PDZD2: variants seen among roughly 807,000 people sequenced by gnomAD.
The protein encoded by PDZD2 is PDZ domain-containing protein 2.
PDZD2 carries 90 observed loss-of-function variants against 220.7 expected under a neutral mutation model. The observed-to-expected ratio is 0.41, with a 90% CI of 0.34 to 0.49. The LOEUF is 0.49. PDZD2 is among the 20% of genes least tolerant of loss of function. PDZD2 has a pLI of 0.28. For missense variants in PDZD2, 3,174 were observed against 3,608.5 expected (o/e 0.88, Z 3.08); for synonymous variants, 1,375 against 1,450.5 (o/e 0.95, Z 1.18).
At chr5:31,903,784 C>T (rs1247235462) in intron 2 of PDZD2, among the ~76,000 whole-genome samples, 2 of 151,912 alleles carry the variant, frequency 1.3e-5, no homozygotes, top group Admixed American at 6.6e-5. Context: ...AGTGTAATGG[C>T]GTGATCTCTG....
intron 2 of PDZD2, among the ~76,000 whole-genome samples, chr5:31,819,060 A>G (rs1314270884): frequency 6.6e-6 from 1 of 152,214 alleles, no homozygotes; most frequent in African/African-American, 2.4e-5. Context: ...TGTCACTACA[A>G]CCAGCTATAC....
chr5:31,991,734 A>C (rs1461872280), intron 3 of PDZD2, among the ~76,000 whole-genome samples: 1 of 152,122 alleles, frequency 6.6e-6, no homozygotes, highest in East Asian at 1.9e-4. Context: ...TACCTTTAAA[A>C]CTGACAATTG....
intron 1 of PDZD2, among the ~76,000 whole-genome samples, chr5:31,766,161 C>T (rs1417210739): frequency 6.6e-6 from 1 of 152,146 alleles, no homozygotes; most frequent in Non-Finnish European, 1.5e-5. Context: ...GCCTAGGCAA[C>T]AGAGTGAGAC....
intron 6 of PDZD2, among the ~76,000 whole-genome samples, chr5:32,026,694 G>A (rs1389534999): frequency 1.3e-5 from 2 of 152,158 alleles, no homozygotes; most frequent in African/African-American, 2.4e-5. Flanking sequence ...ACCTTGAGTA[G>A]CCAGCCCCCA....
intron 2 of PDZD2, among the ~76,000 whole-genome samples, chr5:31,950,961 C>G (rs564150041): frequency 6.6e-6 from 1 of 152,176 alleles, no homozygotes; most frequent in Admixed American, 6.5e-5. Flanking sequence ...ATCAAGGCAC[C>G]GGCAGATTCA....
chr5:31,758,344 A>T (rs1455011247), intron 1 of PDZD2, among the ~76,000 whole-genome samples: 1 of 152,132 alleles, frequency 6.6e-6, no homozygotes, highest in Non-Finnish European at 1.5e-5. Flanking sequence ...TGGAGATGGA[A>T]TGAGGGTTGG....
chr5:32,108,788 T>A lies in PDZD2; in HGVS notation c.*653T>A, dbSNP rs1745064096. On this transcript the variant is annotated 3_prime_UTR_variant, in exon 25 of 25. Coordinates refer to ENST00000438447, the MANE Select transcript of PDZD2 (RefSeq NM_178140.4). ...GTGAGTGTAATGTATAATGTACGTA[T>A]GCAAAGTTCAACTCAATAGGTTATT... is the stretch of plus-strand genomic sequence containing the variant. The A allele has an allele frequency of 6.5e-6, 1 of 152,704 alleles. No homozygotes were observed. The highest frequency in any genetic ancestry group is 2.4e-5 in the African/African-American group (1 of 41,462). The allele number at this position is 152,704 out of a possible 1,614,324, so 9.5% of individuals were successfully genotyped here.
At chr5:31,991,182 T>G (rs1751181301) in intron 3 of PDZD2, among the ~76,000 whole-genome samples, 1 of 152,164 alleles carries the variant, frequency 6.6e-6, no homozygotes. Flanking sequence ...TTATGCTGAG[T>G]GCATCACAGC....
intron 2 of PDZD2, among the ~76,000 whole-genome samples, chr5:31,953,566 A>C (rs572163008): frequency 6.6e-6 from 1 of 152,096 alleles, no homozygotes; most frequent in African/African-American, 2.4e-5. Flanking sequence ...TGTAATCCCT[A>C]CACTTTAGGA....
intron 9 of PDZD2, 49 bp downstream of exon 9, chr5:32,052,779 C>A: frequency 6.3e-7 from 1 of 1,582,164 alleles, no homozygotes; most frequent in South Asian, 1.1e-5. Context: ...AATCTTAGCA[C>A]ACATTTTTTG....
chr5:31,992,196 C>A (rs1414560417), intron 3 of PDZD2, among the ~76,000 whole-genome samples: 1 of 152,098 alleles, frequency 6.6e-6, no homozygotes, highest in Non-Finnish European at 1.5e-5. Context: ...CTATCTCCTA[C>A]TTTCAATTAA....
chr5:31,642,519 G>T (rs897607898), intron 1 of PDZD2, among the ~76,000 whole-genome samples: 1 of 152,216 alleles, frequency 6.6e-6, no homozygotes, highest in Non-Finnish European at 1.5e-5. Flanking sequence ...GAAACTGCAG[G>T]TATAGACACT....
chr5:31,680,678 T>C (rs1746614718), intron 1 of PDZD2, among the ~76,000 whole-genome samples: 1 of 152,316 alleles, frequency 6.6e-6, no homozygotes. Flanking sequence ...GTTGTGGCTC[T>C]GCAGCCAGAC....
chr5:31,874,053 C>T (rs1043449376), intron 2 of PDZD2, among the ~76,000 whole-genome samples: 11 of 152,074 alleles, frequency 7.2e-5, no homozygotes, highest in African/African-American at 1.9e-4. Flanking sequence ...TAATTGGGTG[C>T]AGGCCAGGCA....
chr5:32,003,394 C>G (rs1752525599), intron 5 of PDZD2, among the ~76,000 whole-genome samples: 1 of 131,010 alleles, frequency 7.6e-6, no homozygotes, highest in African/African-American at 2.9e-5. Flanking sequence ...CCCACACACA[C>G]CACACACACA....
rs146616099 is a variant in PDZD2 at position 31,934,112 on chromosome 5, C to T, written c.477-49043C>T. 7.5e-3 allele frequency among the ~76,000 whole-genome samples: 1,135 copies of T among 152,274 alleles called. 8 individuals carry two copies. Among genetic ancestry groups the T allele is most frequent in the Middle Eastern group, 0.014 (4 of 294 alleles). ...TTTTGGCAGATGTCACCAACTAATA[C>T]TGTCAGGAATATTTTATAGGCAAAT... On this transcript the variant is annotated intron_variant, in intron 2 of 24. Coordinates refer to ENST00000438447, the MANE Select transcript of PDZD2 (RefSeq NM_178140.4).
chr5:31,648,106 G>A (rs1221889712), intron 1 of PDZD2, among the ~76,000 whole-genome samples: 1 of 152,184 alleles, frequency 6.6e-6, no homozygotes, highest in Non-Finnish European at 1.5e-5. Flanking sequence ...GATATTCATT[G>A]TTTTATGCTC....
intron 1 of PDZD2, among the ~76,000 whole-genome samples, chr5:31,781,997 G>C (rs1026569702): frequency 2.0e-5 from 3 of 152,168 alleles, no homozygotes; most frequent in Non-Finnish European, 4.4e-5. Flanking sequence ...GTGATCCCAG[G>C]TCTGACTCAT....
intron 1 of PDZD2, among the ~76,000 whole-genome samples, chr5:31,769,143 G>T (rs1331497326): frequency 6.6e-6 from 1 of 152,238 alleles, no homozygotes; most frequent in Non-Finnish European, 1.5e-5. Flanking sequence ...GCCCCACTGG[G>T]ACACAGTGAT....
Sources: gnomAD v4.1 joint callset for allele counts (sites outside exome capture counted in the v4.1 genomes callset) on GRCh38, gnomAD v4.1.1 for gene constraint, MANE v1.5 for transcripts, NCBI Gene and HGNC (gene_info 2026-07-23, HGNC 2026-07-21) for gene names.